The following STAG2 variants were observed in gnomAD, a reference collection of about 807,000 sequenced individuals.
STAG2 encodes the protein STAG2 cohesin complex component.
A neutral mutation model predicts 108.1 loss-of-function variants in STAG2; 14 were observed. That is an observed-to-expected ratio of 0.13 (90% CI 0.09 to 0.20). The LOEUF is 0.20. Ranked by LOEUF, STAG2 falls within the 10% of genes least tolerant of loss-of-function variation. The probability of loss-of-function intolerance (pLI) is 1.00; values close to 1 mark genes in which losing one functional copy is unlikely to be tolerated. For synonymous variants in STAG2, 307 were observed against 302.7 expected, an observed-to-expected ratio of 1.01 and a Z score of -0.15; for missense variants, 440 against 940.9, an observed-to-expected ratio of 0.47 and a Z score of 6.96.
chrX:124,086,046 T>C (rs764496686), intron 29 of STAG2, among the ~76,000 whole-genome samples: 76 of 111,554 alleles, frequency 6.8e-4, no homozygotes, highest in African/African-American at 2.4e-3. Context: ...CCTACTCATT[T>C]TTATTACTGT....
chrX:124,076,670 C>T (rs1040718484), intron 26 of STAG2, among the ~76,000 whole-genome samples, 199 bp downstream of exon 26: 3 of 111,140 alleles, frequency 2.7e-5, no homozygotes, highest in African/African-American at 9.8e-5. Flanking sequence ...TGTTCGTTTG[C>T]ATTTAGAATA....
chrX:124,073,895 CTTATCCCA>C (rs2058735727), intron 25 of STAG2, among the ~76,000 whole-genome samples: 1 of 111,658 alleles, frequency 9.0e-6, no homozygotes, highest in Non-Finnish European at 1.9e-5. Flanking sequence ...GTATTCCTCC[CTTATCCCA>C]TTATCCTCCC....
intron 1 of STAG2, among the ~76,000 whole-genome samples, chrX:123,968,124 C>T (rs1019935914): frequency 4.5e-5 from 5 of 111,234 alleles, no homozygotes; most frequent in East Asian, 2.8e-4. Flanking sequence ...TGGTCTCAAA[C>T]GCCTGACCTC....
At chrX:123,977,836 T>TG (rs1357196076) in intron 1 of STAG2, among the ~76,000 whole-genome samples, 1 of 83,369 alleles carries the variant, frequency 1.2e-5, no homozygotes, top group Non-Finnish European at 2.3e-5. Context: ...CCAAGTGTTT[T>TG]TTTTTTTTTT....
rs762940023 is a variant in STAG2 at position 124,054,451 on chromosome X, T to A, written c.1197-1677T>A. ...GCAGTCTGTTAACTGTTGCATTCTT[T>A]AATTTTTAATTATATTTTAAAATCA... On this transcript the variant is annotated intron_variant, in intron 13 of 34. Transcript: ENST00000371145. Among the ~76,000 whole-genome samples the A allele has an allele frequency of 3.6e-5, 4 of 112,117 alleles. No individual in the cohort carries two copies. The East Asian group carries it at 1.1e-3, about 31-fold the overall frequency.
intron 1 of STAG2, among the ~76,000 whole-genome samples, chrX:123,973,121 G>A (rs1217956284): frequency 9.0e-6 from 1 of 110,782 alleles, no homozygotes; most frequent in Non-Finnish European, 1.9e-5. Context: ...TATATTGCTG[G>A]TTTTTAAGCT....
At chrX:124,001,675 C>A (rs890854388) in intron 1 of STAG2, among the ~76,000 whole-genome samples, 1 of 111,681 alleles carries the variant, frequency 9.0e-6, no homozygotes, top group Non-Finnish European at 1.9e-5. Context: ...GTATTTAGTA[C>A]AGTAACATAC....
chrX:124,009,443 GTAGATAGA>G (rs1160208021), intron 1 of STAG2, among the ~76,000 whole-genome samples: 4 of 63,607 alleles, frequency 6.3e-5, no homozygotes, highest in South Asian at 1.2e-3. Flanking sequence ...AGGTAGGTAG[GTAGATAGA>G]TAGATAGATA....
chrX:124,023,518 G>A (rs921166016), intron 3 of STAG2, among the ~76,000 whole-genome samples: 2 of 111,195 alleles, frequency 1.8e-5, no homozygotes, highest in African/African-American at 6.5e-5. Context: ...ATACATTCAG[G>A]TTCCCACAAA....
At chrX:123,971,438 A>G (rs2054350207) in intron 1 of STAG2, among the ~76,000 whole-genome samples, 1 of 112,080 alleles carries the variant, frequency 8.9e-6, no homozygotes, top group African/African-American at 3.2e-5. Context: ...CTAAAATAAA[A>G]TAAAACCTGT....
intron 34 of STAG2, among the ~76,000 whole-genome samples, chrX:124,096,645 G>A (rs1004585704): frequency 9.0e-6 from 1 of 111,583 alleles, no homozygotes; most frequent in Non-Finnish European, 1.9e-5. Context: ...TAGATATTTA[G>A]TTTTGTCAAA....
intron 15 of STAG2, among the ~76,000 whole-genome samples, chrX:124,058,219 G>A (rs188551015): frequency 1.0e-5 from 1 of 98,867 alleles, no homozygotes; most frequent in Admixed American, 1.2e-4. Context: ...ATACAGTGGC[G>A]CCATCTTGGC....
At chrX:123,970,459 A>T (rs2054306355) in intron 1 of STAG2, among the ~76,000 whole-genome samples, 1 of 111,656 alleles carries the variant, frequency 9.0e-6, no homozygotes, top group African/African-American at 3.3e-5. Context: ...TGGTTGAGAA[A>T]GGCTGCTAGA....
At chrX:124,089,110 T>A (rs906550458) in intron 30 of STAG2, among the ~76,000 whole-genome samples, 5 of 108,266 alleles carry the variant, frequency 4.6e-5, no homozygotes, top group Admixed American at 3.0e-4. Flanking sequence ...AAGATGGGAT[T>A]TCACCATCTT....
rs1569497574 is a variant in STAG2, at chrX:123,998,628, ATCTAT to A, written c.-162-22738_-162-22734del. ...TATCTATCTATCTATCTATCTATCTATCTATCTAACTAACTGATGGCCTTCGTAAT... is the reference window on the plus strand; with the variant it reads ...TATCTATCTATCTATCTATCTATCTACTAACTAACTGATGGCCTTCGTAAT... On this transcript the variant is annotated intron_variant, in intron 1 of 34. Coordinates refer to ENST00000371145, the MANE Select transcript of STAG2 (RefSeq NM_001042750.2). 2.6e-3 allele frequency among the ~76,000 whole-genome samples: 277 copies of A among 107,743 alleles called. 1 individual carries two copies. The highest frequency in any genetic ancestry group is 0.017 in the Admixed American group (163 of 9,853). 93.6% of individuals were successfully genotyped at this position (107,743 alleles called of 115,157 possible).
intron 1 of STAG2, among the ~76,000 whole-genome samples, chrX:124,004,089 C>T (rs2056181297): frequency 8.9e-6 from 1 of 111,998 alleles, no homozygotes; most frequent in Non-Finnish European, 1.9e-5. Flanking sequence ...CACCATCCAT[C>T]TCTGGAACTT....
At chrX:124,040,854 CTTTTTTTT>C (rs1163780101) in intron 6 of STAG2, among the ~76,000 whole-genome samples, 7 of 76,641 alleles carry the variant, frequency 9.1e-5, no homozygotes, top group Non-Finnish European at 1.7e-4. Context: ...CCTCTTCTCT[CTTTTTTTT>C]TTTTTTTTTT....
chrX:124,056,701 C>A (rs2058210065), intron 14 of STAG2, among the ~76,000 whole-genome samples: 1 of 96,297 alleles, frequency 1.0e-5, no homozygotes, highest in African/African-American at 3.9e-5. Flanking sequence ...CCACTGCACT[C>A]CAGCCTGGGC....
intron 1 of STAG2, among the ~76,000 whole-genome samples, chrX:123,968,751 G>A (rs1034500087): frequency 8.9e-6 from 1 of 112,271 alleles, no homozygotes; most frequent in Non-Finnish European, 1.9e-5. Context: ...TTTGAAACCT[G>A]AAGCATTCTA....
Sources: gnomAD v4.1 joint callset for allele counts (sites outside exome capture counted in the v4.1 genomes callset) on GRCh38, gnomAD v4.1.1 for gene constraint, MANE v1.5 for transcripts, NCBI Gene and HGNC (gene_info 2026-07-23, HGNC 2026-07-21) for gene names.